RAPGEF4: variants seen among roughly 807,000 people sequenced by gnomAD.
RAPGEF4 encodes the protein Rap guanine nucleotide exchange factor 4.
In RAPGEF4, 66 loss-of-function variants were observed where a neutral mutation model predicts 147.9. That is an observed-to-expected ratio of 0.45 (90% CI 0.37 to 0.55). The LOEUF (loss-of-function observed/expected upper bound fraction) is 0.55. Ranked by LOEUF, RAPGEF4 falls within the 20% of genes least tolerant of loss-of-function variation. The pLI is 0.00. For missense variants in RAPGEF4, 1,071 were observed against 1,257.3 expected (o/e 0.85, Z 2.24); for synonymous variants, 419 against 442.7 (o/e 0.95, Z 0.67).
intron 4 of RAPGEF4, among the ~76,000 whole-genome samples, chr2:172,824,492 A>G (rs1689447269): frequency 1.3e-5 from 2 of 152,176 alleles, no homozygotes; most frequent in Non-Finnish European, 2.9e-5. Context: ...TGAATTTCCT[A>G]GTGTAGTTTG....
At chr2:172,915,703 C>CAAAA (rs10676347) in intron 4 of RAPGEF4, among the ~76,000 whole-genome samples, 1,835 of 113,120 alleles carry the variant, frequency 0.016, 76 homozygotes, top group South Asian at 0.098. Context: ...GACCCTGTCT[C>CAAAA]AAAAAAAAAA....
chr2:172,809,408 G>T (rs1233859481), intron 3 of RAPGEF4, among the ~76,000 whole-genome samples: 1 of 152,194 alleles, frequency 6.6e-6, no homozygotes, highest in African/African-American at 2.4e-5. Context: ...AAGAATTAGG[G>T]TACCCAGCAG....
chr2:173,050,443 C>T (rs958291912), intron 30 of RAPGEF4, among the ~76,000 whole-genome samples: 2 of 152,166 alleles, frequency 1.3e-5, no homozygotes, highest in African/African-American at 4.8e-5. Context: ...AGACCTGCAA[C>T]ACTCCCCTTC....
chr2:172,974,967 T>C (rs1476357916), intron 10 of RAPGEF4, among the ~76,000 whole-genome samples: 1 of 152,214 alleles, frequency 6.6e-6, no homozygotes, highest in Admixed American at 6.5e-5. Flanking sequence ...GTCTAAAGTT[T>C]TACAATCCAT....
At position 173,017,454 on chromosome 2, in the gene RAPGEF4, C is replaced by T. The variant is rs373366834; in HGVS notation, c.1958C>T (p.Thr653Met). The change falls in exon 21 of 31, where the codon ACG (threonine) becomes ATG (methionine). Residue 653 changes from threonine (T) to methionine (M), a missense_variant. Thr to Met is a moderately conservative substitution (Grantham distance 81). Transcript: ENST00000397081. ...AAGGTTCTTTTGCAACAGTTCAATACGGGCGATGAGAGAGCCCAGAAGCGC... is the reference window on the plus strand; with the variant it reads ...AAGGTTCTTTTGCAACAGTTCAATATGGGCGATGAGAGAGCCCAGAAGCGC... ...KHKVLLQQFN[T>M]GDERAQKRQP... The T allele has an allele frequency of 3.9e-5, 63 of 1,614,006 alleles. No homozygotes were observed. Among genetic ancestry groups the T allele is most frequent in the South Asian group, 7.7e-5 (7 of 91,080 alleles).
intron 6 of RAPGEF4, among the ~76,000 whole-genome samples, chr2:172,954,327 T>A (rs1688517177): frequency 6.6e-6 from 1 of 152,326 alleles, no homozygotes; most frequent in African/African-American, 2.4e-5. Flanking sequence ...TGGGTGGCAG[T>A]TTGCTTTGCA....
In RAPGEF4 at chr2:172,773,652, C is replaced by G. The variant is rs539876770; in HGVS notation, c.66-21373C>G. On this transcript the variant is annotated intron_variant, in intron 1 of 30. Transcript: ENST00000397081. ...CCTCCCTGCCCCACACTGCCCCCCCCGCGGACCATCCTACCCAACAGCCTA... is the reference window on the plus strand; with the variant it reads ...CCTCCCTGCCCCACACTGCCCCCCCGGCGGACCATCCTACCCAACAGCCTA... 1.6e-4 allele frequency among the ~76,000 whole-genome samples: 21 copies of G among 134,122 alleles called. No individual in the cohort carries two copies. The East Asian group carries it at 2.4e-3, about 15-fold the overall frequency. The allele number at this position is 134,122 out of a possible 152,430, so 88.0% of individuals were successfully genotyped here.
chr2:172,897,304 T>G (rs1432342182), intron 4 of RAPGEF4, among the ~76,000 whole-genome samples: 2 of 152,156 alleles, frequency 1.3e-5, no homozygotes, highest in African/African-American at 2.4e-5. Context: ...ACATCCCAGT[T>G]AGTACTCTCC....
At chr2:172,767,282 G>A (rs532269717) in intron 1 of RAPGEF4, among the ~76,000 whole-genome samples, 1 of 151,714 alleles carries the variant, frequency 6.6e-6, no homozygotes, top group Admixed American at 6.6e-5. Flanking sequence ...GGGTTCAGGC[G>A]ATTCTCCTGC....
At chr2:172,911,972 G>GC (rs929504659) in intron 4 of RAPGEF4, among the ~76,000 whole-genome samples, 114 of 151,874 alleles carry the variant, frequency 7.5e-4, no homozygotes, top group African/African-American at 2.6e-3. Flanking sequence ...TGGCTATGTT[G>GC]CCCAGGCTGG....
At chr2:173,021,550 T>G (rs964484637) in intron 23 of RAPGEF4, among the ~76,000 whole-genome samples, 23 of 152,054 alleles carry the variant, frequency 1.5e-4, no homozygotes, top group Non-Finnish European at 7.4e-5. Context: ...ATGGCGCCAC[T>G]GCACTCCAGC....
chr2:172,844,892 G>T (rs139711362), intron 4 of RAPGEF4, among the ~76,000 whole-genome samples: 2 of 152,138 alleles, frequency 1.3e-5, no homozygotes, highest in African/African-American at 4.8e-5. Flanking sequence ...AACTTTCAAC[G>T]TACAACATTG....
chr2:172,961,296 G>A, intron 8 of RAPGEF4, 68 bp downstream of exon 8: 2 of 1,274,338 alleles, frequency 1.6e-6, no homozygotes, highest in Non-Finnish European at 2.3e-6. Flanking sequence ...GAACAAAAAT[G>A]CTTCTCCCTG....
intron 1 of RAPGEF4, among the ~76,000 whole-genome samples, chr2:172,775,236 C>T (rs1477253650): frequency 3.3e-5 from 5 of 152,148 alleles, no homozygotes; most frequent in Non-Finnish European, 5.9e-5. Context: ...TTGGGAGCCC[C>T]GTCTCTAGGT....
At position 172,967,405 on chromosome 2, in the gene RAPGEF4, T is replaced by G; in HGVS notation, c.965T>G (p.Met322Arg). Residue 322 changes from methionine to arginine, a missense_variant, in exon 10 of 31, where the codon ATG becomes AGG. Met to Arg is a moderately conservative substitution (Grantham distance 91). Transcript: ENST00000397081. ...GACACCATGCTGCTGCTGTCACAGA[T>G]GGGCCCCGACGCCCACATGAGGATG... is the stretch of plus-strand genomic sequence containing the variant. ...LQDTMLLLSQ[M>R]GPDAHMRMIL... 1 of 1,611,848 alleles carries G rather than the reference T, an allele frequency of 6.2e-7. No individual in the cohort carries two copies. Among genetic ancestry groups the G allele is most frequent in the Non-Finnish European group, 8.5e-7 (1 of 1,179,752 alleles).
At chr2:173,015,731 G>A (rs888268526) in intron 18 of RAPGEF4, among the ~76,000 whole-genome samples, 4 of 152,182 alleles carry the variant, frequency 2.6e-5, no homozygotes, top group Non-Finnish European at 5.9e-5. Flanking sequence ...GCAGGGTCAG[G>A]ACAGTTCCCA....
chr2:172,917,004 A>G (rs1684144608), intron 4 of RAPGEF4, among the ~76,000 whole-genome samples: 2 of 152,252 alleles, frequency 1.3e-5, no homozygotes, highest in Admixed American at 1.3e-4. Context: ...GATTGTATTT[A>G]TGACCTGAGA....
At chr2:172,977,325 G>A (rs568011725) in intron 10 of RAPGEF4, among the ~76,000 whole-genome samples, 2 of 152,252 alleles carry the variant, frequency 1.3e-5, no homozygotes, top group East Asian at 3.9e-4. Context: ...AAGCAGGAAA[G>A]GTGCTTAATG....
At chr2:172,931,649 C>A (rs549483654) in intron 6 of RAPGEF4, among the ~76,000 whole-genome samples, 17 of 152,180 alleles carry the variant, frequency 1.1e-4, no homozygotes, top group African/African-American at 3.9e-4. Flanking sequence ...AAAGATGAAC[C>A]GGAATAGACA....
Sources: gnomAD v4.1 joint callset for allele counts (sites outside exome capture counted in the v4.1 genomes callset) on GRCh38, gnomAD v4.1.1 for gene constraint, MANE v1.5 for transcripts, NCBI Gene and HGNC (gene_info 2026-07-23, HGNC 2026-07-21) for gene names.